Variants in BICD1 observed in about 807,000 individuals in gnomAD.
The protein encoded by BICD1 is protein bicaudal D homolog 1.
Under a neutral mutation model 92.5 loss-of-function variants are expected in BICD1, and 35 were observed. That is an observed-to-expected ratio of 0.38 (90% CI 0.29 to 0.50). The LOEUF (loss-of-function observed/expected upper bound fraction) is 0.50, where lower values mean the gene tolerates loss of function less well. Ranked by LOEUF, BICD1 falls within the 20% of genes least tolerant of loss-of-function variation. The probability of loss-of-function intolerance (pLI) is 0.93; values close to 1 mark genes in which losing one functional copy is unlikely to be tolerated. For synonymous variants in BICD1, 429 were observed against 465.1 expected, an observed-to-expected ratio of 0.92 and a Z score of 1.00; for missense variants, 950 against 1,189.8, an observed-to-expected ratio of 0.80 and a Z score of 2.97.
chr12:32,352,204 CA>C (rs530378680), intron 8 of BICD1: 10,258 of 138,574 alleles, frequency 0.074, 1,162 homozygotes, highest in African/African-American at 0.25. Flanking sequence ...GACTCTGTCT[CA>C]AAAAAAAAAA....
chr12:32,107,391 A>G lies in BICD1; in HGVS notation c.60A>G (p.Leu20=), dbSNP rs1472921910. The change falls in exon 1 of 10, where the codon CTA becomes CTG. Residue 20 remains leucine, a synonymous_variant. Coordinates refer to ENST00000652176, the MANE Select transcript of BICD1 (RefSeq NM_001714.4). ...VDHYKTEIER[L]TKELTETTHE... ...ATTATAAGACTGAGATAGAGAGGCT[A>G]ACCAAGGAGCTCACGGAGACCACCC... 1 of 1,611,850 alleles carries G rather than the reference A, an allele frequency of 6.2e-7. No homozygotes were observed. The highest frequency in any genetic ancestry group is 8.5e-7 in the Non-Finnish European group (1 of 1,179,264).
chr12:32,251,947 GTT>G (rs1555156925), intron 2 of BICD1, among the ~76,000 whole-genome samples: 1 of 114,560 alleles, frequency 8.7e-6, no homozygotes. Flanking sequence ...TCGGGAGTTT[GTT>G]TTTTTTACAA....
intron 8 of BICD1, among the ~76,000 whole-genome samples, chr12:32,346,638 G>GTATA (rs1217158084): frequency 0.019 from 42 of 2,270 alleles, 8 homozygotes; most frequent in East Asian, 0.12. Flanking sequence ...ATATATACGT[G>GTATA]TATATATATA....
chr12:32,186,002 G>A (rs974262454), intron 1 of BICD1, among the ~76,000 whole-genome samples: 2 of 152,158 alleles, frequency 1.3e-5, no homozygotes, highest in Admixed American at 6.5e-5. Flanking sequence ...GCTCACAAAC[G>A]TGGCAAAATC....
At position 32,269,492 on chromosome 12, in the gene BICD1, T is replaced by C. The variant is rs376010047; in HGVS notation, c.427-24502T>C. On this transcript the variant is annotated intron_variant, in intron 2 of 9. Coordinates refer to ENST00000652176, the MANE Select transcript of BICD1 (RefSeq NM_001714.4). Reference sequence around the variant, plus strand: ...ATATGCAAAAAAGCATTTTTACTAGTCTGTACTTAACAACTTGCAAATTTG... The same window carrying C: ...ATATGCAAAAAAGCATTTTTACTAGCCTGTACTTAACAACTTGCAAATTTG... Among the ~76,000 whole-genome samples, 3 of 152,312 alleles carry C rather than the reference T, an allele frequency of 2.0e-5. No individual in the cohort carries two copies. In the South Asian group the frequency reaches 6.2e-4, roughly 32 times the overall value.
At chr12:32,230,323 C>G (rs564881414) in intron 2 of BICD1, among the ~76,000 whole-genome samples, 1 of 151,892 alleles carries the variant, frequency 6.6e-6, no homozygotes, top group East Asian at 1.9e-4. Flanking sequence ...TTGCTTGAGC[C>G]CAGGAGGTCA....
At chr12:32,265,685 C>T (rs1473200494) in intron 2 of BICD1, among the ~76,000 whole-genome samples, 3 of 147,556 alleles carry the variant, frequency 2.0e-5, no homozygotes, top group African/African-American at 7.5e-5. Flanking sequence ...TGTGCCACTG[C>T]ATTCAGCCTA....
intron 1 of BICD1, chr12:32,107,957 G>A: frequency 2.0e-6 from 1 of 488,800 alleles, no homozygotes; most frequent in South Asian, 2.1e-5. Context: ...ACAATTTCAG[G>A]ATTTAGACTG....
chr12:32,111,957 C>G (rs1941710972), intron 1 of BICD1, among the ~76,000 whole-genome samples: 1 of 150,226 alleles, frequency 6.7e-6, no homozygotes, highest in African/African-American at 2.5e-5. Flanking sequence ...CTTTCAATCA[C>G]ATTTCTTTTT....
intron 2 of BICD1, among the ~76,000 whole-genome samples, chr12:32,237,966 C>T (rs1032728398): frequency 1.3e-5 from 2 of 152,182 alleles, no homozygotes; most frequent in Admixed American, 6.5e-5. Flanking sequence ...AGTGATTCCT[C>T]TGATGGATCT....
At chr12:32,117,167 T>G (rs1435220412) in intron 1 of BICD1, among the ~76,000 whole-genome samples, 1 of 152,184 alleles carries the variant, frequency 6.6e-6, no homozygotes, top group East Asian at 1.9e-4. Context: ...GAATTCCCTG[T>G]CACCAAAAGG....
chr12:32,157,461 A>G (rs909728823), intron 1 of BICD1, among the ~76,000 whole-genome samples: 3 of 152,212 alleles, frequency 2.0e-5, no homozygotes, highest in African/African-American at 2.4e-5. Context: ...ATTTTCAGAC[A>G]CATTCCTAAA....
chr12:32,300,381 GCA>G lies in BICD1; in HGVS notation c.580-5315_580-5314del, dbSNP rs1948003316. Among the ~76,000 whole-genome samples, 4 of 152,186 alleles carry G rather than the reference GCA, an allele frequency of 2.6e-5. No homozygotes were observed. In the South Asian group the frequency reaches 8.3e-4, roughly 32 times the overall value. ...GCCTCCCAAAGTGCTGGGATTACAG[GCA>G]TGAGCCACCGTGCCCAGCCAGGACA... is the stretch of plus-strand genomic sequence containing the variant. On this transcript the variant is annotated intron_variant, in intron 3 of 9. Transcript: ENST00000652176.
At chr12:32,309,075 G>C (rs955047736) in intron 4 of BICD1, among the ~76,000 whole-genome samples, 2 of 152,096 alleles carry the variant, frequency 1.3e-5, no homozygotes, top group South Asian at 4.1e-4. Flanking sequence ...TTCATGAGAA[G>C]TATACCTTCT....
At chr12:32,157,214 A>G (rs1352251207) in intron 1 of BICD1, among the ~76,000 whole-genome samples, 1 of 152,188 alleles carries the variant, frequency 6.6e-6, no homozygotes, top group African/African-American at 2.4e-5. Context: ...AATTAAGTCC[A>G]GAGTCTTATT....
intron 2 of BICD1, among the ~76,000 whole-genome samples, chr12:32,235,823 C>G (rs1946052946): frequency 6.6e-6 from 1 of 151,448 alleles, no homozygotes; most frequent in African/African-American, 2.4e-5. Flanking sequence ...GCCTCAGCCT[C>G]CCAAGTAGCT....
At chr12:32,121,966 A>G (rs566605463) in intron 1 of BICD1, among the ~76,000 whole-genome samples, 12 of 152,098 alleles carry the variant, frequency 7.9e-5, no homozygotes, top group Non-Finnish European at 1.6e-4. Context: ...GGTGTGAGTC[A>G]CCACACCCAG....
At chr12:32,355,435 C>G (rs190041914) in intron 8 of BICD1, among the ~76,000 whole-genome samples, 1 of 152,166 alleles carries the variant, frequency 6.6e-6, no homozygotes, top group South Asian at 2.1e-4. Flanking sequence ...TGCCTGCTCT[C>G]AAGGAGCTGC....
At chr12:32,241,793 C>G (rs1946243325) in intron 2 of BICD1, among the ~76,000 whole-genome samples, 1 of 152,112 alleles carries the variant, frequency 6.6e-6, no homozygotes, top group African/African-American at 2.4e-5. Context: ...CAGTCTATTT[C>G]CCCTTATTCT....
Sources: gnomAD v4.1 joint callset for allele counts (sites outside exome capture counted in the v4.1 genomes callset) on GRCh38, gnomAD v4.1.1 for gene constraint, MANE v1.5 for transcripts, NCBI Gene and HGNC (gene_info 2026-07-23, HGNC 2026-07-21) for gene names.